Variants in RGS20 observed in about 807,000 individuals in gnomAD.
RGS20 encodes regulator of G protein signaling 20, also known as gz-selective GTPase-activating protein.
RGS20 carries 30 observed loss-of-function variants against 33.6 expected under a neutral mutation model. That is an observed-to-expected ratio of 0.89 (90% CI 0.67 to 1.21). The LOEUF (loss-of-function observed/expected upper bound fraction) is 1.21. Among genes scored for constraint, RGS20 ranks in the 50% most tolerant of loss-of-function variants. The probability of loss-of-function intolerance (pLI) is 0.00; values close to 1 mark genes in which losing one functional copy is unlikely to be tolerated. For missense variants in RGS20, 472 were observed against 502.4 expected (o/e 0.94, Z 0.58); for synonymous variants, 208 against 197.9 (o/e 1.05, Z -0.43).
intron 1 of RGS20, among the ~76,000 whole-genome samples, chr8:53,874,718 G>C (rs1812158870): frequency 6.6e-6 from 1 of 152,188 alleles, no homozygotes; most frequent in Admixed American, 6.5e-5. Flanking sequence ...GGCAGTGGAT[G>C]CATCAACCCA....
At chr8:53,938,223 G>A (rs956952504) in intron 2 of RGS20, among the ~76,000 whole-genome samples, 5 of 152,342 alleles carry the variant, frequency 3.3e-5, no homozygotes, top group Middle Eastern at 6.8e-3. Context: ...ATGAGTTCAT[G>A]TCCTTTGCAG....
chr8:53,873,776 A>G (rs772015088), intron 1 of RGS20, among the ~76,000 whole-genome samples: 9 of 152,242 alleles, frequency 5.9e-5, no homozygotes, highest in Non-Finnish European at 1.3e-4. Context: ...TATAGAAAAA[A>G]AACTGTATTG....
At chr8:53,955,242 T>C (rs567898819) in intron 5 of RGS20, among the ~76,000 whole-genome samples, 3 of 151,780 alleles carry the variant, frequency 2.0e-5, no homozygotes, top group South Asian at 4.2e-4. Flanking sequence ...CTGAAATCTG[T>C]GAAAAATTTT....
intron 4 of RGS20, among the ~76,000 whole-genome samples, chr8:53,953,382 G>C (rs979571768): frequency 6.6e-6 from 1 of 152,156 alleles, no homozygotes; most frequent in Admixed American, 6.6e-5. Context: ...TTAGCTGGGC[G>C]TGGTGGCACG....
chr8:53,940,581 G>A (rs1195444316), intron 3 of RGS20, among the ~76,000 whole-genome samples: 1 of 152,248 alleles, frequency 6.6e-6, no homozygotes, highest in Admixed American at 6.5e-5. Flanking sequence ...GGGGAGGAGA[G>A]TGGAGTTGAA....
intron 2 of RGS20, among the ~76,000 whole-genome samples, chr8:53,895,629 A>G (rs900687883): frequency 1.3e-5 from 2 of 151,772 alleles, no homozygotes; most frequent in Non-Finnish European, 2.9e-5. Context: ...AACACTAATA[A>G]TAGTTTTTCT....
At position 53,879,512 on chromosome 8, in the gene RGS20, A is replaced by G. The variant is rs1192733592; in HGVS notation, c.420A>G (p.Arg140=). The change falls in exon 2 of 6, where the codon CGA becomes CGG. Residue 140 remains arginine (R), a synonymous_variant. Coordinates refer to ENST00000297313, the MANE Select transcript of RGS20 (RefSeq NM_170587.4). ...GGGCGGCGCTGGCACTGCCCGGCCG[A>G]CCCTCGGGGGGTCGTCCGCTGAGGC... 6.5e-7 allele frequency: 1 copy of G among 1,535,704 alleles called. No individual in the cohort carries two copies. Among genetic ancestry groups the G allele is most frequent in the Non-Finnish European group, 8.8e-7 (1 of 1,142,394 alleles).
At position 53,881,104 on chromosome 8, in the gene RGS20, G is replaced by C; in HGVS notation, c.510+1502G>C. 1 of 1,506,154 alleles carries C rather than the reference G, an allele frequency of 6.6e-7. No individual in the cohort carries two copies. Among genetic ancestry groups the C allele is most frequent in the Non-Finnish European group, 8.8e-7 (1 of 1,134,874 alleles). 93.3% of individuals were successfully genotyped at this position (1,506,154 alleles called of 1,614,324 possible). On this transcript the variant is annotated intron_variant, in intron 2 of 5. Coordinates refer to ENST00000297313, the MANE Select transcript of RGS20 (RefSeq NM_170587.4). ...GGGCTCGTGAGTATCCCAGTTCCTC[G>C]AACTCTCTTTCTTCGTCTCGGGCTC... is the stretch of plus-strand genomic sequence containing the variant.
chr8:53,867,534 T>C (rs1034976748), intron 1 of RGS20, among the ~76,000 whole-genome samples: 2 of 152,154 alleles, frequency 1.3e-5, no homozygotes, highest in African/African-American at 2.4e-5. Context: ...CCTGCTAATA[T>C]CTTCATTTTG....
At chr8:53,949,722 A>G (rs1027908418) in intron 4 of RGS20, among the ~76,000 whole-genome samples, 1 of 152,038 alleles carries the variant, frequency 6.6e-6, no homozygotes, top group Admixed American at 6.6e-5. Flanking sequence ...GCCTCAATCA[A>G]TCAATCAATC....
At chr8:53,957,339 G>A (rs1435774068) in intron 5 of RGS20, among the ~76,000 whole-genome samples, 1 of 152,170 alleles carries the variant, frequency 6.6e-6, no homozygotes, top group Non-Finnish European at 1.5e-5. Flanking sequence ...TGTTGGCCAG[G>A]CTGGTTTCGA....
chr8:53,885,409 C>T (rs1217625533), intron 2 of RGS20, among the ~76,000 whole-genome samples: 3 of 152,100 alleles, frequency 2.0e-5, no homozygotes, highest in Admixed American at 6.6e-5. Context: ...GTCAGGACAT[C>T]GAGACCATCC....
intron 2 of RGS20, among the ~76,000 whole-genome samples, chr8:53,927,519 G>A (rs758695130): frequency 3.9e-5 from 6 of 151,926 alleles, no homozygotes; most frequent in Non-Finnish European, 7.4e-5. Context: ...GGCTGCTTTT[G>A]AAATCCCACA....
intron 2 of RGS20, chr8:53,880,106 C>T (rs1812317834): frequency 6.5e-6 from 1 of 153,042 alleles, no homozygotes; most frequent in Non-Finnish European, 1.5e-5. Context: ...CACCGGGTCC[C>T]ACTCCCGAAG....
intron 2 of RGS20, chr8:53,879,714 G>A (rs1299963046): frequency 3.1e-6 from 3 of 961,824 alleles, no homozygotes; most frequent in African/African-American, 1.8e-5. Flanking sequence ...GCAGTAGGGA[G>A]GGTGGCAAGG....
intron 2 of RGS20, among the ~76,000 whole-genome samples, chr8:53,922,536 T>G (rs1813677295): frequency 6.6e-6 from 1 of 152,186 alleles, no homozygotes; most frequent in Admixed American, 6.6e-5. Flanking sequence ...CCTTTGTGTT[T>G]TTCTTTTCAC....
chr8:53,941,078 G>T (rs1252496818), intron 3 of RGS20, among the ~76,000 whole-genome samples: 1 of 152,192 alleles, frequency 6.6e-6, no homozygotes, highest in Non-Finnish European at 1.5e-5. Context: ...CGCAGGGTGT[G>T]GGAGGCGGCT....
In RGS20 at chr8:53,952,047, A is replaced by G. The variant is rs866762736; in HGVS notation, c.744-2029A>G. 3.3e-5 allele frequency among the ~76,000 whole-genome samples: 5 copies of G among 149,488 alleles called. No homozygotes were observed. In the South Asian group the frequency reaches 6.5e-4, roughly 19 times the overall value. ...ATTAAAAAGTGAACTAAAAATCCTC[A>G]TATGTTTGACATTTATTTTATTTTA... is the stretch of plus-strand genomic sequence containing the variant. On this transcript the variant is annotated intron_variant, in intron 4 of 5. Coordinates refer to ENST00000297313, the MANE Select transcript of RGS20 (RefSeq NM_170587.4).
At chr8:53,896,114 C>T (rs1812849217) in intron 2 of RGS20, among the ~76,000 whole-genome samples, 1 of 152,064 alleles carries the variant, frequency 6.6e-6, no homozygotes. Flanking sequence ...GACCCTGCCT[C>T]TGCAAAAAGT....
Sources: gnomAD v4.1 joint callset for allele counts (sites outside exome capture counted in the v4.1 genomes callset) on GRCh38, gnomAD v4.1.1 for gene constraint, MANE v1.5 for transcripts, NCBI Gene and HGNC (gene_info 2026-07-23, HGNC 2026-07-21) for gene names.